The following SDK1 variants were observed in gnomAD, a reference collection of about 807,000 sequenced individuals.
SDK1 encodes the protein sidekick cell adhesion molecule 1, also known as protein sidekick-1.
SDK1 carries 157 observed loss-of-function variants against 245.5 expected under a neutral mutation model. The observed-to-expected ratio is 0.64, with a 90% CI of 0.56 to 0.73. The LOEUF is 0.73. Among genes scored for constraint, SDK1 ranks in the 30% least tolerant of loss-of-function variants. SDK1 has a pLI of 0.00. For missense variants in SDK1, 3,583 were observed against 3,002.3 expected (o/e 1.19, Z -4.52); for synonymous variants, 1,647 against 1,278.5 (o/e 1.29, Z -6.15).
intron 4 of SDK1, among the ~76,000 whole-genome samples, chr7:3,775,761 AG>A (rs1780538801): frequency 6.6e-6 from 1 of 151,996 alleles, no homozygotes; most frequent in Non-Finnish European, 1.5e-5. Context: ...TATTTTTAGT[AG>A]AGACGGGGTT....
intron 1 of SDK1, among the ~76,000 whole-genome samples, chr7:3,387,829 G>C (rs1381971276): frequency 6.6e-6 from 1 of 152,146 alleles, no homozygotes; most frequent in Non-Finnish European, 1.5e-5. Context: ...GTACCATTTT[G>C]AACATTGTAC....
At chr7:3,618,538 A>T (rs1336784462) in intron 1 of SDK1, among the ~76,000 whole-genome samples, 4 of 152,204 alleles carry the variant, frequency 2.6e-5, no homozygotes, top group Non-Finnish European at 2.9e-5. Flanking sequence ...TTATGTGAAT[A>T]TACCATGAGT....
intron 43 of SDK1, among the ~76,000 whole-genome samples, chr7:4,245,050 C>G (rs929570029): frequency 6.6e-6 from 1 of 152,180 alleles, no homozygotes; most frequent in Admixed American, 6.5e-5. Flanking sequence ...TTTAATGTAA[C>G]CGAGTCTTCA....
intron 5 of SDK1, among the ~76,000 whole-genome samples, chr7:3,822,310 T>G (rs921201225): frequency 6.6e-6 from 1 of 152,208 alleles, no homozygotes; most frequent in Admixed American, 6.5e-5. Flanking sequence ...AATGAAATTG[T>G]CATGCGGTTG....
intron 1 of SDK1, among the ~76,000 whole-genome samples, chr7:3,523,414 G>A (rs973849095): frequency 1.3e-5 from 2 of 152,066 alleles, no homozygotes; most frequent in African/African-American, 2.4e-5. Context: ...CGGGTCCAGC[G>A]AGAGCATGCA....
At chr7:3,430,740 G>A (rs996487272) in intron 1 of SDK1, among the ~76,000 whole-genome samples, 1 of 152,194 alleles carries the variant, frequency 6.6e-6, no homozygotes, top group Non-Finnish European at 1.5e-5. Context: ...TCTCTAGTAG[G>A]AATGTCTGCT....
chr7:4,068,355 C>G (rs1167715803), intron 20 of SDK1, among the ~76,000 whole-genome samples: 6 of 152,174 alleles, frequency 3.9e-5, no homozygotes, highest in African/African-American at 1.4e-4. Context: ...GGTGGGTGAC[C>G]TTTCCTTCAT....
At position 3,668,022 on chromosome 7, in the gene SDK1, C is replaced by A. The variant is rs181056450; in HGVS notation, c.713+25917C>A. 1.2e-3 allele frequency among the ~76,000 whole-genome samples: 182 copies of A among 152,176 alleles called. 1 individual carries two copies. Among genetic ancestry groups the A allele is most frequent in the Non-Finnish European group, 4.4e-4 (30 of 68,006 alleles). ...AACTTTATAAGAAACTTATAAGAAA[C>A]CTCAAAGTCCTCAGGGAAATAATCA... On this transcript the variant is annotated intron_variant, in intron 4 of 44. Coordinates refer to ENST00000404826, the MANE Select transcript of SDK1 (RefSeq NM_152744.4).
intron 2 of SDK1, among the ~76,000 whole-genome samples, chr7:3,624,523 A>G (rs541302830): frequency 2.6e-5 from 4 of 152,280 alleles, no homozygotes; most frequent in Admixed American, 2.0e-4. Flanking sequence ...AAAAATGCCA[A>G]TGGGATTTTC....
chr7:4,039,862 A>G (rs1788484674), intron 17 of SDK1, among the ~76,000 whole-genome samples: 1 of 152,184 alleles, frequency 6.6e-6, no homozygotes, highest in African/African-American at 2.4e-5. Context: ...TTTAAAAATC[A>G]TTTTTGTTTT....
chr7:3,780,119 G>T (rs1181159318), intron 4 of SDK1, among the ~76,000 whole-genome samples: 1 of 152,144 alleles, frequency 6.6e-6, no homozygotes, highest in African/African-American at 2.4e-5. Flanking sequence ...ATACCTGTGT[G>T]ATCTGCATAA....
chr7:3,950,862 A>C, intron 5 of SDK1, 61 bp from the exon 6 acceptor site: 1 of 1,313,792 alleles, frequency 7.6e-7, no homozygotes, highest in Non-Finnish European at 1.1e-6. Context: ...CCCCTCAGAT[A>C]ACGGCGGGGG....
intron 19 of SDK1, among the ~76,000 whole-genome samples, chr7:4,060,836 A>G (rs895171066): frequency 6.6e-6 from 1 of 151,932 alleles, no homozygotes; most frequent in African/African-American, 2.4e-5. Flanking sequence ...TAAGGAGGGG[A>G]TCCAGTTTCA....
At chr7:4,191,041 A>G (rs991035671) in intron 35 of SDK1, among the ~76,000 whole-genome samples, 7 of 152,250 alleles carry the variant, frequency 4.6e-5, no homozygotes, top group Middle Eastern at 3.4e-3. Context: ...TGAAATGCAA[A>G]TCCCATCCCC....
chr7:4,070,710 A>AT lies in SDK1; in HGVS notation c.3010+2791dup, dbSNP rs60441124. ...CCTTGGAGCCAGTGCCACCTCTCAA[A>AT]TTTTTTTTTTTTTTTTTGAGATGGA... is the stretch of plus-strand genomic sequence containing the variant. On this transcript the variant is annotated intron_variant, in intron 20 of 44. Transcript: ENST00000404826. Among the ~76,000 whole-genome samples the AT allele has an allele frequency of 9.1e-3, 1,304 of 143,896 alleles. 5 individuals carry two copies. The highest frequency in any genetic ancestry group is 0.013 in the Non-Finnish European group (825 of 65,346). 94.4% of individuals were successfully genotyped at this position (143,896 alleles called of 152,430 possible).
At chr7:3,579,507 G>T (rs916686926) in intron 1 of SDK1, among the ~76,000 whole-genome samples, 2 of 152,150 alleles carry the variant, frequency 1.3e-5, no homozygotes, top group Non-Finnish European at 2.9e-5. Context: ...AATAAACTAC[G>T]TGTTGAAGGA....
intron 13 of SDK1, among the ~76,000 whole-genome samples, chr7:3,984,285 A>G (rs553910435): frequency 6.6e-6 from 1 of 152,214 alleles, no homozygotes; most frequent in Admixed American, 6.5e-5. Flanking sequence ...AGTAGCCTCC[A>G]TTTAAGTGAG....
intron 5 of SDK1, among the ~76,000 whole-genome samples, chr7:3,881,205 G>GCA (rs1781200737): frequency 6.6e-6 from 1 of 152,074 alleles, no homozygotes; most frequent in Non-Finnish European, 1.5e-5. Flanking sequence ...CCACCACCTA[G>GCA]GTATTAAGCC....
chr7:4,064,543 G>A (rs1431763572), intron 19 of SDK1, among the ~76,000 whole-genome samples: 1 of 152,094 alleles, frequency 6.6e-6, no homozygotes, highest in Non-Finnish European at 1.5e-5. Flanking sequence ...TACCCTATGA[G>A]CCAGCAATCC....
Sources: gnomAD v4.1 joint callset for allele counts (sites outside exome capture counted in the v4.1 genomes callset) on GRCh38, gnomAD v4.1.1 for gene constraint, MANE v1.5 for transcripts, NCBI Gene and HGNC (gene_info 2026-07-23, HGNC 2026-07-21) for gene names.